The following CHEK2 variants were observed in gnomAD, a reference collection of about 807,000 sequenced individuals.
CHEK2 encodes the protein serine/threonine-protein kinase Chk2.
Under a neutral mutation model 69.1 loss-of-function variants are expected in CHEK2, and 71 were observed. The observed-to-expected ratio is 1.03, with a 90% CI of 0.85 to 1.25. CHEK2 has a LOEUF of 1.25. Among genes scored for constraint, CHEK2 ranks in the 50% most tolerant of loss-of-function variants. The probability of loss-of-function intolerance (pLI) is 0.00; values close to 1 mark genes in which losing one functional copy is unlikely to be tolerated. For synonymous variants in CHEK2, 189 were observed against 226.9 expected (o/e 0.83, Z 1.50); for missense variants, 664 against 649.6 (o/e 1.02, Z -0.24).
intron 14 of CHEK2, 101 bp from the exon 15 acceptor site, chr22:28,688,087 T>C (rs1471410100): frequency 1.0e-6 from 1 of 956,358 alleles, no homozygotes; most frequent in Non-Finnish European, 1.6e-6. Context: ...TGGGGGCATT[T>C]GATGTGAAAT....
intron 4 of CHEK2, among the ~76,000 whole-genome samples, chr22:28,720,092 A>ATTTT (rs66862903): frequency 6.7e-5 from 9 of 134,466 alleles, no homozygotes; most frequent in Non-Finnish European, 7.7e-5. Flanking sequence ...AAAAAAAGTA[A>ATTTT]TTTTTTTTTT....
intron 6 of CHEK2, among the ~76,000 whole-genome samples, chr22:28,710,959 A>C (rs980142782): frequency 6.6e-6 from 1 of 152,216 alleles, no homozygotes; most frequent in African/African-American, 2.4e-5. Flanking sequence ...AAATCTTAGA[A>C]TCATAGGGGA....
Position 28,712,128 on chromosome 22 carries a change from T to C in CHEK2, c.684-111A>G, listed in dbSNP as rs1271444322. The C allele has an allele frequency of 1.4e-5, 11 of 800,616 alleles. No homozygotes were observed. The East Asian group carries it at 2.8e-4, about 21-fold the overall frequency. 49.6% of individuals were successfully genotyped at this position (800,616 alleles called of 1,614,324 possible). ...TTTACAGACATTCCATATAACAGCC[T>C]TTCCATTGTCCCTGTTTGCAGAGGA... On this transcript the variant is annotated intron_variant, in intron 5 of 14. Transcript: ENST00000404276.
At chr22:28,701,065 A>G (rs974888700) in intron 8 of CHEK2, among the ~76,000 whole-genome samples, 1 of 152,014 alleles carries the variant, frequency 6.6e-6, no homozygotes, top group Non-Finnish European at 1.5e-5. Context: ...CTGGGATTAC[A>G]GGCGTGAGCC....
chr22:28,711,886 A>G, intron 6 of CHEK2, 23 bp downstream of exon 6: 1 of 1,483,916 alleles, frequency 6.7e-7, no homozygotes, highest in Non-Finnish European at 9.4e-7. Flanking sequence ...ATAAAAGGTG[A>G]TCAGCCTTTT....
intron 13 of CHEK2, among the ~76,000 whole-genome samples, chr22:28,690,695 T>C (rs1380402019): frequency 6.6e-6 from 1 of 151,588 alleles, no homozygotes; most frequent in Non-Finnish European, 1.5e-5. Context: ...CTCAGCTACT[T>C]GGGAGGCTGG....
chr22:28,721,577 G>A (rs1267684089), intron 4 of CHEK2: 16 of 452,790 alleles, frequency 3.5e-5, no homozygotes, highest in Non-Finnish European at 5.0e-5. Context: ...GTGAGCCACC[G>A]CGCCCCGCCG....
In CHEK2 at chr22:28,696,979, A is replaced by T; in HGVS notation, c.1017T>A (p.His339Gln). 1 of 1,610,476 alleles carries T rather than the reference A, an allele frequency of 6.2e-7. No homozygotes were observed. The change falls in exon 10 of 15, where the codon CAT becomes CAA. Residue 339 changes from histidine to glutamine, a missense_variant. By Grantham distance (24) the His-to-Gln change is conservative. Coordinates refer to ENST00000404276, the MANE Select transcript of CHEK2 (RefSeq NM_007194.4). The part of the protein sequence containing the change: ...YQMLLAVQYL[H>Q]ENGIIHRDLK... ...AGTCACGGTGTATAATACCGTTTTC[A>T]TGAAGGTACTACACAGAAAGGCAGG...
chr22:28,712,726 T>C (rs577448473), intron 5 of CHEK2, among the ~76,000 whole-genome samples: 24 of 152,372 alleles, frequency 1.6e-4, no homozygotes, highest in African/African-American at 5.5e-4. Context: ...TTACCCATTA[T>C]GAAGTAGACT....
At chr22:28,731,219 C>T (rs977934385) in intron 2 of CHEK2, among the ~76,000 whole-genome samples, 1 of 150,654 alleles carries the variant, frequency 6.6e-6, no homozygotes, top group Non-Finnish European at 1.5e-5. Flanking sequence ...AACAAACAAA[C>T]AAACAAACAA....
intron 7 of CHEK2, among the ~76,000 whole-genome samples, chr22:28,705,096 T>G (rs2053064631): frequency 7.0e-6 from 1 of 143,410 alleles, no homozygotes; most frequent in Non-Finnish European, 1.5e-5. Flanking sequence ...TTTTTTTTTT[T>G]GAGACGGAGT....
chr22:28,710,201 T>G, intron 6 of CHEK2, 142 bp from the exon 7 acceptor site: 2 of 606,872 alleles, frequency 3.3e-6, no homozygotes, highest in Non-Finnish European at 6.0e-6. Context: ...AAAGCCCAGG[T>G]CAATGACTTA....
At chr22:28,721,582 C>G (rs1441820311) in intron 4 of CHEK2, 12 of 459,576 alleles carry the variant, frequency 2.6e-5, no homozygotes, top group Middle Eastern at 8.8e-4. Context: ...CCACCGCGCC[C>G]CGCCGTATTT....
At chr22:28,695,936 T>C (rs549820833) in intron 10 of CHEK2, 63 bp from the exon 11 acceptor site, 2 of 1,346,468 alleles carry the variant, frequency 1.5e-6, no homozygotes, top group South Asian at 2.3e-5. Flanking sequence ...ATTAACATAG[T>C]CTGCCAGTCC....
At chr22:28,706,744 C>T (rs1269006717) in intron 7 of CHEK2, among the ~76,000 whole-genome samples, 1 of 152,100 alleles carries the variant, frequency 6.6e-6, no homozygotes, top group African/African-American at 2.4e-5. Flanking sequence ...CATGGCAAAA[C>T]CCCATCTCTA....
In CHEK2 at chr22:28,729,540, C is replaced by CA. The variant is rs58149342; in HGVS notation, c.320-4174dup. Among the ~76,000 whole-genome samples the CA allele has an allele frequency of 8.7e-3, 722 of 82,996 alleles. 33 individuals carry two copies. Among genetic ancestry groups the CA allele is most frequent in the Non-Finnish European group, 0.01 (484 of 46,154 alleles). The allele number at this position is 82,996 out of a possible 152,430, so 54.4% of individuals were successfully genotyped here. A position where few individuals can be genotyped will look rare whatever the true frequency, so the allele number is the denominator to read the frequency against. ...CCTGGGCGACAGCGAGACTCCATCTCAAAAAAAAAAAAAAAAAAAAAAAAA... is the reference window on the plus strand; with the variant it reads ...CCTGGGCGACAGCGAGACTCCATCTCAAAAAAAAAAAAAAAAAAAAAAAAAA... On this transcript the variant is annotated intron_variant, in intron 2 of 14. Transcript: ENST00000404276.
At chr22:28,724,473 C>A (rs1370621586) in intron 4 of CHEK2, 2 of 222,198 alleles carry the variant, frequency 9.0e-6, no homozygotes, top group Non-Finnish European at 1.8e-5. Flanking sequence ...CCAATTAAAC[C>A]TTAAAACCTT....
At chr22:28,720,638 C>A (rs2053742414) in intron 4 of CHEK2, among the ~76,000 whole-genome samples, 1 of 152,148 alleles carries the variant, frequency 6.6e-6, no homozygotes, top group African/African-American at 2.4e-5. Flanking sequence ...ACCTAAGGAT[C>A]CAGTCTCTGG....
chr22:28,704,334 T>A (rs2053025487), intron 7 of CHEK2, among the ~76,000 whole-genome samples: 1 of 151,444 alleles, frequency 6.6e-6, no homozygotes, highest in African/African-American at 2.4e-5. Flanking sequence ...TTTGAGACAG[T>A]CTCATTTTCT....
Sources: allele counts gnomAD v4.1 joint callset (sites outside exome capture counted in the v4.1 genomes callset), GRCh38; gene constraint gnomAD v4.1.1; transcripts MANE v1.5; gene names NCBI Gene and HGNC (gene_info 2026-07-23, HGNC 2026-07-21).